Variants in NHEJ1 observed in about 807,000 individuals in gnomAD.
NHEJ1 encodes non-homologous end-joining factor 1.
NHEJ1 carries 22 observed loss-of-function variants against 39.4 expected under a neutral mutation model. That is an observed-to-expected ratio of 0.56 (90% CI 0.40 to 0.80). NHEJ1 has a LOEUF of 0.80. NHEJ1 is among the 30% of genes least tolerant of loss of function. The probability of loss-of-function intolerance (pLI) is 0.00; values close to 1 mark genes in which losing one functional copy is unlikely to be tolerated. For synonymous variants in NHEJ1, 154 were observed against 135.6 expected, an observed-to-expected ratio of 1.14 and a Z score of -0.94; for missense variants, 329 against 357.1, an observed-to-expected ratio of 0.92 and a Z score of 0.63.
chr2:219,153,760 C>T (rs1949822686), intron 3 of NHEJ1, among the ~76,000 whole-genome samples: 1 of 150,472 alleles, frequency 6.6e-6, no homozygotes, highest in Non-Finnish European at 1.5e-5. Context: ...CAATATATTC[C>T]ATAATACCCT....
At chr2:219,156,540 A>G (rs1378183431) in intron 3 of NHEJ1, among the ~76,000 whole-genome samples, 5 of 152,248 alleles carry the variant, frequency 3.3e-5, no homozygotes, top group Admixed American at 3.3e-4. Context: ...CTCCTGGGAA[A>G]TATAAAGCTA....
chr2:219,147,454 C>T (rs1345770191), intron 4 of NHEJ1, among the ~76,000 whole-genome samples: 2 of 152,238 alleles, frequency 1.3e-5, no homozygotes, highest in Admixed American at 1.3e-4. Context: ...TACACTCCAG[C>T]CTAGCTGACA....
At chr2:219,145,365 T>C (rs566671310) in intron 5 of NHEJ1, among the ~76,000 whole-genome samples, 3 of 152,346 alleles carry the variant, frequency 2.0e-5, no homozygotes, top group South Asian at 4.1e-4. Context: ...TTTTTGCTTT[T>C]AGTGTTTAGA....
intron 5 of NHEJ1, among the ~76,000 whole-genome samples, chr2:219,103,970 G>C (rs1354244681): frequency 6.6e-6 from 1 of 152,164 alleles, no homozygotes; most frequent in Non-Finnish European, 1.5e-5. Flanking sequence ...GTGTTTAATA[G>C]AATTTATATT....
At chr2:219,081,730 A>G (rs893144308) in intron 5 of NHEJ1, among the ~76,000 whole-genome samples, 3 of 152,256 alleles carry the variant, frequency 2.0e-5, no homozygotes, top group Non-Finnish European at 2.9e-5. Flanking sequence ...AGAATTCTCA[A>G]CAAAGGGTAA....
At chr2:219,119,759 T>C (rs976370147) in intron 5 of NHEJ1, among the ~76,000 whole-genome samples, 30 of 152,200 alleles carry the variant, frequency 2.0e-4, no homozygotes, top group Non-Finnish European at 4.0e-4. Flanking sequence ...TAATTTCTAT[T>C]AAAGAGAGTA....
At chr2:219,099,812 CAAG>C (rs1302859875) in intron 5 of NHEJ1, among the ~76,000 whole-genome samples, 1 of 151,400 alleles carries the variant, frequency 6.6e-6, no homozygotes, top group South Asian at 2.1e-4. Context: ...GGTTTCTCAT[CAAG>C]AAGGAGAAAG....
At position 219,158,294 on chromosome 2, in the gene NHEJ1, G is replaced by A. The variant is rs973716541; in HGVS notation, c.69C>T (p.Leu23=). 2 of 1,614,188 alleles carry A rather than the reference G, an allele frequency of 1.2e-6. No homozygotes were observed. Among genetic ancestry groups the A allele is most frequent in the Non-Finnish European group, 1.7e-6 (2 of 1,180,052 alleles). Residue 23 remains leucine (L), a synonymous_variant, in exon 2 of 8, where the codon CTC becomes CTT. Transcript: ENST00000356853. ...GCTTGGTGATAAAAACCTTGGCCAA[G>A]AGGGAGTTCTCTGCAAGCTGTAGCC... The part of the protein sequence containing the change: ...WAWLQLAENS[L]LAKVFITKQG...
At chr2:219,082,254 A>G (rs1949074120) in intron 5 of NHEJ1, among the ~76,000 whole-genome samples, 1 of 152,232 alleles carries the variant, frequency 6.6e-6, no homozygotes. Context: ...ATACAGCCAT[A>G]TCAGAAACTT....
chr2:219,090,667 A>T (rs1332226066), intron 5 of NHEJ1, among the ~76,000 whole-genome samples: 1 of 152,202 alleles, frequency 6.6e-6, no homozygotes, highest in Non-Finnish European at 1.5e-5. Context: ...AAAGCTGGAT[A>T]TGTAAGGAAC....
At position 219,069,776 on chromosome 2, in the gene NHEJ1, C is replaced by T. The variant is rs1418547146; in HGVS notation, c.*6605G>A. 1 of 152,206 alleles carries T rather than the reference C, an allele frequency of 6.6e-6. No homozygotes were observed. Among genetic ancestry groups the T allele is most frequent in the Non-Finnish European group, 1.5e-5 (1 of 68,044 alleles). 9.4% of individuals were successfully genotyped at this position (152,206 alleles called of 1,614,324 possible). On this transcript the variant is annotated 3_prime_UTR_variant, in exon 8 of 8. Transcript: ENST00000356853. ...CCCACGGGAAGCTCCAGAGAATGGG[C>T]TATATTGCTGACCAGGAAGGGAGAT...
rs1948988787 is a variant in NHEJ1 at position 219,073,918 on chromosome 2, G to A, written c.*2463C>T. 6.6e-6 allele frequency among the ~76,000 whole-genome samples: 1 copy of A among 152,266 alleles called. No homozygotes were observed. Among genetic ancestry groups the A allele is most frequent in the Admixed American group, 6.5e-5 (1 of 15,294 alleles). On this transcript the variant is annotated 3_prime_UTR_variant, in exon 8 of 8. Transcript: ENST00000356853. ...GGGTTGGGCCAGGCTGGGGGCCTCA[G>A]GGAGGGGCCCAAGCCAGGGGGCAGG...
At chr2:219,105,551 C>T (rs1013426964) in intron 5 of NHEJ1, among the ~76,000 whole-genome samples, 4 of 152,110 alleles carry the variant, frequency 2.6e-5, no homozygotes, top group African/African-American at 9.7e-5. Flanking sequence ...GAGGTGTTCA[C>T]GAAGTATTTA....
intron 5 of NHEJ1, among the ~76,000 whole-genome samples, chr2:219,128,955 T>C (rs927823924): frequency 2.0e-5 from 3 of 152,220 alleles, no homozygotes; most frequent in Non-Finnish European, 2.9e-5. Flanking sequence ...CCCATATGGT[T>C]TGGTCTAAAA....
chr2:219,133,692 CTTTT>C (rs1949599051), intron 5 of NHEJ1, among the ~76,000 whole-genome samples: 2 of 152,232 alleles, frequency 1.3e-5, no homozygotes, highest in South Asian at 4.1e-4. Flanking sequence ...ATCTGACTCT[CTTTT>C]TAAGTCAGGG....
At chr2:219,086,452 G>C (rs749297092) in intron 5 of NHEJ1, among the ~76,000 whole-genome samples, 1 of 152,168 alleles carries the variant, frequency 6.6e-6, no homozygotes, top group Non-Finnish European at 1.5e-5. Flanking sequence ...CTGTTCTGAG[G>C]TCTAGTGGTA....
intron 7 of NHEJ1, 113 bp downstream of exon 7, chr2:219,077,133 C>A: frequency 2.5e-6 from 2 of 800,364 alleles, no homozygotes; most frequent in Non-Finnish European, 2.2e-6. Context: ...TCACAAATAT[C>A]CCTCAATATT....
At chr2:219,097,160 A>G (rs975260909) in intron 5 of NHEJ1, among the ~76,000 whole-genome samples, 1 of 152,232 alleles carries the variant, frequency 6.6e-6, no homozygotes, top group Non-Finnish European at 1.5e-5. Context: ...AGGCTAAGCT[A>G]TAATGTTCTA....
rs1452353849 is a variant in NHEJ1, at chr2:219,157,583, A to G, written c.279T>C (p.Ala93=). ...LLKDAAHPSE[A]TFSCDCVADA... is the part of the protein sequence containing the mutation. Reference sequence around the variant, plus strand: ...CTGCCACACAATCACAGGAGAAGGTAGCTTCGCTAGGGTGAGCAGCGTCCT... The same window carrying G: ...CTGCCACACAATCACAGGAGAAGGTGGCTTCGCTAGGGTGAGCAGCGTCCT... The change falls in exon 3 of 8, where the codon GCT becomes GCC. Residue 93 remains alanine (A), a synonymous_variant. Coordinates refer to ENST00000356853, the MANE Select transcript of NHEJ1 (RefSeq NM_024782.3). The G allele has an allele frequency of 6.2e-7, 1 of 1,614,080 alleles. No homozygotes were observed. Among genetic ancestry groups the G allele is most frequent in the East Asian group, 2.2e-5 (1 of 44,902 alleles).
Sources: allele counts gnomAD v4.1 joint callset (sites outside exome capture counted in the v4.1 genomes callset), GRCh38; gene constraint gnomAD v4.1.1; transcripts MANE v1.5; gene names NCBI Gene and HGNC (gene_info 2026-07-23, HGNC 2026-07-21).